Variants in CELA3A observed in about 807,000 individuals in gnomAD.
The protein encoded by CELA3A is chymotrypsin like elastase 3A.
Under a neutral mutation model 38.6 loss-of-function variants are expected in CELA3A, and 35 were observed. The observed-to-expected ratio is 0.91, with a 90% CI of 0.69 to 1.20. CELA3A has a LOEUF of 1.20. Among genes scored for constraint, CELA3A ranks in the 50% most tolerant of loss-of-function variants. The pLI is 0.00. For synonymous variants in CELA3A, 143 were observed against 136.7 expected (o/e 1.05, Z -0.32); for missense variants, 343 against 354.2 (o/e 0.97, Z 0.25).
rs1644969276 is a variant in CELA3A, at chr1:22,009,226, T to C, written c.643-479T>C. ...GAAAAATACAAAAATTAGCCGGGCG[T>C]GGTAGTGGGCACCTATAGTCCCAGC... On this transcript the variant is annotated intron_variant, in intron 6 of 7. Transcript: ENST00000290122. 1.3e-5 allele frequency among the ~76,000 whole-genome samples: 2 copies of C among 151,240 alleles called. 1 individual carries two copies. Among genetic ancestry groups the C allele is most frequent in the African/African-American group, 4.9e-5 (2 of 40,842 alleles).
At position 22,009,865 on chromosome 1, in the gene CELA3A, G is replaced by T. The variant is rs1449677350; in HGVS notation, c.795+8G>T. 1.2e-6 allele frequency: 2 copies of T among 1,610,604 alleles called. No homozygotes were observed. Among genetic ancestry groups the T allele is most frequent in the South Asian group, 2.2e-5 (2 of 90,944 alleles). On this transcript the variant is annotated splice_region_variant and intron_variant, in intron 7 of 7. Transcript: ENST00000290122. ...ATCGACTGGATTGAGGAGGTGAGGAGGGCAGGGCGGCCCGGAGGGCTTTAG... is the reference window on the plus strand; with the variant it reads ...ATCGACTGGATTGAGGAGGTGAGGATGGCAGGGCGGCCCGGAGGGCTTTAG...
rs147890009 is a variant in CELA3A at position 22,005,781 on chromosome 1, C to T, written c.347C>T (p.Ser116Leu). 21 of 1,611,502 alleles carry T rather than the reference C, an allele frequency of 1.3e-5. No homozygotes were observed. Among genetic ancestry groups the T allele is most frequent in the African/African-American group, 6.7e-5 (5 of 74,442 alleles). The change falls in exon 4 of 8, where the codon TCG (serine) becomes TTG (leucine). Residue 116 changes from serine to leucine, a missense_variant. Ser to Leu is a moderately radical substitution (Grantham distance 145, BLOSUM62 -2). Transcript: ENST00000290122. ...TTTGTGCATCCACTCTGGAACCGCT[C>T]GTGTGTGGCCTGTGGGTGAGTGAAT... ...ELFVHPLWNR[S>L]CVACGNDIAL... is the part of the protein sequence containing the mutation.
At chr1:22,008,128 T>TC (rs1557873869) in intron 6 of CELA3A, among the ~76,000 whole-genome samples, 3 of 144,148 alleles carry the variant, frequency 2.1e-5, no homozygotes, top group Non-Finnish European at 4.5e-5. Context: ...CACCCAAGCC[T>TC]GGCGACACAG....
chr1:22,009,541 G>C (rs1162030178), intron 6 of CELA3A, among the ~76,000 whole-genome samples, 164 bp from the exon 7 acceptor site: 3 of 151,198 alleles, frequency 2.0e-5, no homozygotes, highest in Non-Finnish European at 2.9e-5. Context: ...AGCAGAGCGA[G>C]ACTCCATCTA....
intron 5 of CELA3A, 36 bp from the exon 6 acceptor site, chr1:22,007,337 C>T (rs765256605): frequency 6.3e-7 from 1 of 1,586,904 alleles, no homozygotes; most frequent in East Asian, 2.2e-5. Context: ...GCGGTGTGCC[C>T]CCAGACCCCT....
chr1:22,009,677 G>A (rs1482330643), intron 6 of CELA3A, 28 bp from the exon 7 acceptor site: 4 of 1,602,868 alleles, frequency 2.5e-6, no homozygotes, highest in Non-Finnish European at 3.4e-6. Flanking sequence ...ACATGGCTCA[G>A]CCACCCACTC....
intron 4 of CELA3A, 126 bp downstream of exon 4, chr1:22,005,922 G>A (rs1557873082): frequency 1.9e-6 from 3 of 1,562,122 alleles, no homozygotes; most frequent in Admixed American, 3.5e-5. Flanking sequence ...AGGGACAGGG[G>A]AGCTGAGTCC....
intron 2 of CELA3A, among the ~76,000 whole-genome samples, chr1:22,004,075 G>GT (rs5772975): frequency 0.13 from 16,969 of 135,464 alleles, 1,697 homozygotes; most frequent in African/African-American, 0.2. Context: ...TCTTTTCTTT[G>GT]TTTTTTTTTT....
chr1:22,009,663 T>G (rs1184071421), intron 6 of CELA3A, 42 bp from the exon 7 acceptor site: 14 of 1,598,940 alleles, frequency 8.8e-6, no homozygotes, highest in Non-Finnish European at 1.1e-5. Context: ...TCCGTAAACC[T>G]CAGACATGGC....
intron 6 of CELA3A, among the ~76,000 whole-genome samples, 183 bp from the exon 7 acceptor site, chr1:22,009,522 A>G (rs1644970663): frequency 6.6e-6 from 1 of 151,472 alleles, no homozygotes; most frequent in Non-Finnish European, 1.5e-5. Flanking sequence ...ACTGCACTCC[A>G]GCCTGGACAG....
intron 3 of CELA3A, 36 bp downstream of exon 3, chr1:22,005,580 G>T (rs1644944390): frequency 1.2e-6 from 2 of 1,612,290 alleles, no homozygotes; most frequent in Non-Finnish European, 1.7e-6. Context: ...TGTGGCCCTG[G>T]GCAGCGGGGG....
intron 2 of CELA3A, among the ~76,000 whole-genome samples, chr1:22,004,075 G>GCTT (rs35204733): frequency 7.4e-6 from 1 of 135,642 alleles, no homozygotes; most frequent in African/African-American, 2.8e-5. Flanking sequence ...TCTTTTCTTT[G>GCTT]TTTTTTTTTT....
chr1:22,008,713 C>G lies in CELA3A; in HGVS notation c.643-992C>G, dbSNP rs573544298. On this transcript the variant is annotated intron_variant, in intron 6 of 7. Coordinates refer to ENST00000290122, the MANE Select transcript of CELA3A (RefSeq NM_005747.5). The stretch of plus-strand genomic sequence containing the variant: ...GTTGGAGCTTGCCGTGAGCCGAGAT[C>G]GCGCCACTGCACTCCAACCTGGGTG... 4.7e-5 allele frequency among the ~76,000 whole-genome samples: 7 copies of G among 149,656 alleles called. No homozygotes were observed. The East Asian group carries it at 1.2e-3, about 26-fold the overall frequency.
At chr1:22,007,701 G>C (rs1644959877) in intron 6 of CELA3A, among the ~76,000 whole-genome samples, 186 bp downstream of exon 6, 1 of 151,086 alleles carries the variant, frequency 6.6e-6, no homozygotes, top group Non-Finnish European at 1.5e-5. Context: ...AGGACCCCCG[G>C]GTTGCAGTCT....
At chr1:22,007,895 T>A (rs953423152) in intron 6 of CELA3A, among the ~76,000 whole-genome samples, 1 of 151,110 alleles carries the variant, frequency 6.6e-6, no homozygotes, top group Non-Finnish European at 1.5e-5. Flanking sequence ...CTCCTGCCTA[T>A]AATCCAAGTG....
intron 4 of CELA3A, among the ~76,000 whole-genome samples, chr1:22,006,264 C>A (rs7531773): frequency 0.4 from 56,691 of 142,160 alleles, 11,298 homozygotes; most frequent in Non-Finnish European, 0.56. Context: ...CTTCTCTGGG[C>A]CTTAGTTTTG....
chr1:22,002,914 G>A, intron 1 of CELA3A, 89 bp from the exon 2 acceptor site: 1 of 1,187,974 alleles, frequency 8.4e-7, no homozygotes, highest in Non-Finnish European at 1.2e-6. Context: ...CACACAGCCA[G>A]TTGAAGGCAT....
chr1:22,001,861 A>G lies in CELA3A; in HGVS notation c.43+144A>G, dbSNP rs550908204. 9.0e-4 allele frequency: 1,059 copies of G among 1,179,774 alleles called. 15 individuals are homozygous for G. The highest frequency in any genetic ancestry group is 2.1e-3 in the Middle Eastern group (11 of 5,132). 73.1% of individuals were successfully genotyped at this position (1,179,774 alleles called of 1,614,324 possible). On this transcript the variant is annotated intron_variant, in intron 1 of 7. Coordinates refer to ENST00000290122, the MANE Select transcript of CELA3A (RefSeq NM_005747.5). ...AGCTTGTACCCGGGGGCATGACTGT[A>G]GGGGCTTTCAGCTTATGATGGAGCA...
intron 7 of CELA3A, chr1:22,011,109 G>C (rs1644981647): frequency 6.6e-6 from 1 of 151,848 alleles, no homozygotes; most frequent in African/African-American, 2.4e-5. Context: ...GTCGAGTGCA[G>C]TGGTTCATGC....
Sources: gnomAD v4.1 joint callset for allele counts (sites outside exome capture counted in the v4.1 genomes callset) on GRCh38, gnomAD v4.1.1 for gene constraint, MANE v1.5 for transcripts, NCBI Gene and HGNC (gene_info 2026-07-23, HGNC 2026-07-21) for gene names.